Variants in RAB28 observed in about 807,000 individuals in gnomAD.
RAB28 encodes RAB28, member RAS oncogene family.
In RAB28, 24 loss-of-function variants were observed where a neutral mutation model predicts 31.7. The ratio of observed to expected loss-of-function variants is 0.76; its 90% CI spans 0.55 to 1.06. The LOEUF is 1.06. Among genes scored for constraint, RAB28 ranks in the 50% least tolerant of loss-of-function variants. The probability of loss-of-function intolerance (pLI) is 0.00; values close to 1 mark genes in which losing one functional copy is unlikely to be tolerated. For synonymous variants in RAB28, 100 were observed against 90.4 expected (o/e 1.11, Z -0.60); for missense variants, 254 against 258.5 (o/e 0.98, Z 0.12).
chr4:13,438,069 T>C (rs1354968690), intron 4 of RAB28, among the ~76,000 whole-genome samples: 1 of 152,114 alleles, frequency 6.6e-6, no homozygotes, highest in Non-Finnish European at 1.5e-5. Flanking sequence ...CTGGAGGCCA[T>C]TACCCTAAGT....
chr4:13,455,040 G>A (rs774880402), intron 4 of RAB28, among the ~76,000 whole-genome samples: 1 of 152,218 alleles, frequency 6.6e-6, no homozygotes, highest in Non-Finnish European at 1.5e-5. Flanking sequence ...GGTAGGGGCA[G>A]CCCATGGGGC....
intron 4 of RAB28, among the ~76,000 whole-genome samples, chr4:13,391,422 T>C (rs954420046): frequency 1.3e-5 from 2 of 152,112 alleles, no homozygotes; most frequent in African/African-American, 2.4e-5. Flanking sequence ...CTGGAGACAA[T>C]GTGGAGAAAT....
At chr4:13,447,292 C>T (rs1336023250) in intron 4 of RAB28, among the ~76,000 whole-genome samples, 5 of 152,148 alleles carry the variant, frequency 3.3e-5, no homozygotes, top group African/African-American at 1.2e-4. Context: ...GGCTTTCCAT[C>T]TCACTTGCAG....
At position 13,383,892 on chromosome 4, in the gene RAB28, C is replaced by T. The variant is rs188005003; in HGVS notation, c.392-2298G>A. 2.0e-5 allele frequency among the ~76,000 whole-genome samples: 3 copies of T among 152,324 alleles called. No individual in the cohort carries two copies. In the East Asian group the frequency reaches 5.8e-4, roughly 29 times the overall value. ...TGCCTATCACACAGGGCTAGTCCAA[C>T]CTCAGCATCCCTTGGTCTGCTGCCC... On this transcript the variant is annotated intron_variant, in intron 4 of 6. Transcript: ENST00000330852.
At chr4:13,469,612 T>G (rs1716025115) in intron 3 of RAB28, among the ~76,000 whole-genome samples, 1 of 152,062 alleles carries the variant, frequency 6.6e-6, no homozygotes, top group South Asian at 2.1e-4. Flanking sequence ...GTACTTCGTT[T>G]TCATCTATTT....
chr4:13,409,515 C>T (rs528027941), intron 4 of RAB28, among the ~76,000 whole-genome samples: 1 of 152,274 alleles, frequency 6.6e-6, no homozygotes, highest in African/African-American at 2.4e-5. Context: ...TGGAGAGCTG[C>T]ACAAGCAGTG....
chr4:13,446,420 A>C (rs1161832548), intron 4 of RAB28, among the ~76,000 whole-genome samples: 2 of 152,170 alleles, frequency 1.3e-5, no homozygotes, highest in Non-Finnish European at 1.5e-5. Context: ...CAGGAATATG[A>C]AAAAATTCCT....
At position 13,376,636 on chromosome 4, in the gene RAB28, A is replaced by C; in HGVS notation, c.496-14T>G. ...GCACAGGAAGACCTACATAACAAAA[A>C]TGGGTTTAAATGATTTAAAAGAGGC... On this transcript the variant is annotated splice_polypyrimidine_tract_variant and intron_variant, in intron 5 of 6. Transcript: ENST00000330852. 6.4e-7 allele frequency: 1 copy of C among 1,557,488 alleles called. No homozygotes were observed. Among genetic ancestry groups the C allele is most frequent in the Non-Finnish European group, 8.7e-7 (1 of 1,149,130 alleles).
chr4:13,471,757 T>C (rs1278997853), intron 3 of RAB28, among the ~76,000 whole-genome samples: 1 of 152,086 alleles, frequency 6.6e-6, no homozygotes, highest in Non-Finnish European at 1.5e-5. Context: ...TCAGAAATAC[T>C]GTACTAAATT....
At chr4:13,397,040 T>C (rs1372128178) in intron 4 of RAB28, among the ~76,000 whole-genome samples, 1 of 152,118 alleles carries the variant, frequency 6.6e-6, no homozygotes, top group South Asian at 2.1e-4. Flanking sequence ...AAAGTATTTG[T>C]TGAGTGAAGA....
intron 4 of RAB28, among the ~76,000 whole-genome samples, chr4:13,404,798 A>G (rs1297540285): frequency 6.6e-6 from 1 of 152,134 alleles, no homozygotes; most frequent in Non-Finnish European, 1.5e-5. Flanking sequence ...ACCAAAGAAT[A>G]CTTTTTTTAC....
chr4:13,434,198 C>G (rs1020966803), intron 4 of RAB28, among the ~76,000 whole-genome samples: 1 of 152,146 alleles, frequency 6.6e-6, no homozygotes, highest in Non-Finnish European at 1.5e-5. Flanking sequence ...GGCTGAAAAA[C>G]TACCTACTAG....
At chr4:13,444,232 T>C (rs1434071655) in intron 4 of RAB28, among the ~76,000 whole-genome samples, 1 of 152,056 alleles carries the variant, frequency 6.6e-6, no homozygotes, top group Non-Finnish European at 1.5e-5. Flanking sequence ...TTTCACCGTG[T>C]TAGCCAGGAT....
chr4:13,481,755 G>C (rs568933810), intron 1 of RAB28, among the ~76,000 whole-genome samples: 1 of 152,204 alleles, frequency 6.6e-6, no homozygotes, highest in South Asian at 2.1e-4. Context: ...GAAACTGTTA[G>C]TCATCATCTC....
intron 4 of RAB28, among the ~76,000 whole-genome samples, chr4:13,418,140 AG>A (rs1241301523): frequency 3.9e-5 from 6 of 152,232 alleles, no homozygotes; most frequent in Non-Finnish European, 8.8e-5. Flanking sequence ...ATCAAGTGGA[AG>A]CAAGGGTATC....
intron 6 of RAB28, chr4:13,370,148 T>C (rs1728666497): frequency 1.0e-6 from 1 of 979,354 alleles, no homozygotes. Context: ...AATGTACACA[T>C]ACAAAAGGAA....
chr4:13,428,744 A>G (rs1459319995), intron 4 of RAB28, among the ~76,000 whole-genome samples: 3 of 152,232 alleles, frequency 2.0e-5, no homozygotes, highest in Admixed American at 1.3e-4. Flanking sequence ...AGGAAATAAC[A>G]GCCAAAAACT....
At chr4:13,375,816 G>A (rs1265840165) in intron 6 of RAB28, among the ~76,000 whole-genome samples, 3 of 150,964 alleles carry the variant, frequency 2.0e-5, no homozygotes, top group Non-Finnish European at 4.4e-5. Flanking sequence ...GAGACCATGA[G>A]AAAAAGATAC....
chr4:13,401,477 T>G (rs1465283856), intron 4 of RAB28, among the ~76,000 whole-genome samples: 4 of 148,622 alleles, frequency 2.7e-5, no homozygotes, highest in African/African-American at 7.3e-5. Context: ...TAAAACTACG[T>G]AACAAAACTG....
Sources: allele counts gnomAD v4.1 joint callset (sites outside exome capture counted in the v4.1 genomes callset), GRCh38; gene constraint gnomAD v4.1.1; transcripts MANE v1.5; gene names NCBI Gene and HGNC (gene_info 2026-07-23, HGNC 2026-07-21).